DEPDC1: variants seen among roughly 807,000 people sequenced by gnomAD.
The protein encoded by DEPDC1 is DEP domain-containing protein 1A.
DEPDC1 carries 66 observed loss-of-function variants against 86.8 expected under a neutral mutation model. The observed-to-expected ratio is 0.76, with a 90% confidence interval of 0.62 to 0.93. DEPDC1 has a LOEUF of 0.93. Among genes scored for constraint, DEPDC1 ranks in the 40% least tolerant of loss-of-function variants. The pLI, the probability that DEPDC1 is intolerant of heterozygous loss-of-function variation, is 0.00. For missense variants in DEPDC1, 792 were observed against 935.7 expected, an observed-to-expected ratio of 0.85 and a Z score of 2.00; for synonymous variants, 255 against 314.9, an observed-to-expected ratio of 0.81 and a Z score of 2.02.
rs1044907960 is a variant in DEPDC1 at position 68,494,796 on chromosome 1, G to C, written c.49-101C>G. 3 of 879,546 alleles carry C rather than the reference G, an allele frequency of 3.4e-6. No homozygotes were observed. In the Admixed American group the frequency reaches 8.6e-5, roughly 25 times the overall value. 54.5% of individuals were successfully genotyped at this position (879,546 alleles called of 1,614,324 possible). ...AAAGAAAATTCTTTAATTCACATCT[G>C]ATTATATCATAAAAATTCTTGAAGA... On this transcript the variant is annotated intron_variant, in intron 1 of 11. Transcript: ENST00000456315.
At chr1:68,486,631 AT>A (rs1380995253) in intron 6 of DEPDC1, among the ~76,000 whole-genome samples, 1 of 151,934 alleles carries the variant, frequency 6.6e-6, no homozygotes, top group East Asian at 1.9e-4. Flanking sequence ...CACTGAGGCA[AT>A]TAGTGTGGAT....
intron 7 of DEPDC1, chr1:68,483,246 C>T (rs949705918): frequency 1.1e-5 from 6 of 526,108 alleles, no homozygotes; most frequent in Middle Eastern, 6.3e-4. Context: ...TAATAAAATA[C>T]ATATATTTGA....
intron 10 of DEPDC1, among the ~76,000 whole-genome samples, chr1:68,478,312 G>A (rs1271360725): frequency 1.3e-5 from 2 of 151,702 alleles, no homozygotes; most frequent in Non-Finnish European, 2.9e-5. Flanking sequence ...CATTAACTAT[G>A]GATTTTATTC....
chr1:68,493,235 T>C (rs1366784358), intron 2 of DEPDC1, among the ~76,000 whole-genome samples: 1 of 152,200 alleles, frequency 6.6e-6, no homozygotes, highest in East Asian at 1.9e-4. Flanking sequence ...TGTAGTTTAC[T>C]TGTATGACAT....
In DEPDC1 at chr1:68,481,807, A is replaced by C. The variant is rs1646157730; in HGVS notation, c.1763-195T>G. 8.0e-6 allele frequency: 5 copies of C among 625,734 alleles called. No individual in the cohort carries two copies. The South Asian group carries it at 1.0e-4, about 13-fold the overall frequency. 38.8% of individuals were successfully genotyped at this position (625,734 alleles called of 1,614,324 possible). A position where few individuals can be genotyped will look rare whatever the true frequency, so the allele number is the denominator to read the frequency against. On this transcript the variant is annotated intron_variant, in intron 8 of 11. Transcript: ENST00000456315. ...TTTACAACTTATTTCTAAGTATTAAAATTCTTCACTTATTACAAATAAAGT... is the reference window on the plus strand; with the variant it reads ...TTTACAACTTATTTCTAAGTATTAACATTCTTCACTTATTACAAATAAAGT...
At position 68,476,975 on chromosome 1, in the gene DEPDC1, G is replaced by A; in HGVS notation, c.2393C>T (p.Pro798Leu). 1 of 1,603,968 alleles carries A rather than the reference G, an allele frequency of 6.2e-7. No homozygotes were observed. Among genetic ancestry groups the A allele is most frequent in the Non-Finnish European group, 8.5e-7 (1 of 1,175,516 alleles). Reference sequence around the variant, plus strand: ...CTTTGGTTTTCTTAAAATCAGCATTGGTTGCTTGATTGTAGGTTTGTCACC... The same window carrying A: ...CTTTGGTTTTCTTAAAATCAGCATTAGTTGCTTGATTGTAGGTTTGTCACC... ...LFGDKPTIKQ[P>L]MLILRKPKFR... Residue 798 changes from proline (P) to leucine (L), a missense_variant, in exon 12 of 12, where the codon CCA becomes CTA. Pro to Leu is a moderately conservative substitution (Grantham distance 98). Transcript: ENST00000456315.
chr1:68,493,614 A>G (rs1212677687), intron 2 of DEPDC1, among the ~76,000 whole-genome samples: 1 of 152,218 alleles, frequency 6.6e-6, no homozygotes, highest in African/African-American at 2.4e-5. Context: ...CTTGGCTACT[A>G]TAGCAATTAA....
rs1285002786 is a variant in DEPDC1 at position 68,479,274 on chromosome 1, A to G, written c.1982T>C (p.Val661Ala). The G allele has an allele frequency of 6.2e-7, 1 of 1,612,462 alleles. No homozygotes were observed. Among genetic ancestry groups the G allele is most frequent in the African/African-American group, 1.3e-5 (1 of 74,924 alleles). Reference protein sequence around the residue: ...SRCVLCCAEEVDLDELLAGRL... With the variant: ...SRCVLCCAEEADLDELLAGRL... ...TCCAGCAAGAAGCTCATCAAGATCC[A>G]CTTCTTCAGCACAGCATAACACACA... Residue 661 changes from valine (V) to alanine (A), a missense_variant, in exon 10 of 12, where the codon GTG (valine) becomes GCG (alanine). Transcript: ENST00000456315.
intron 4 of DEPDC1, 125 bp from the exon 5 acceptor site, chr1:68,488,629 G>T: frequency 3.8e-6 from 3 of 790,096 alleles, no homozygotes; most frequent in African/African-American, 1.8e-5. Flanking sequence ...CTTATATTTA[G>T]TATCCCCTTT....
rs761917884 is a variant in DEPDC1, at chr1:68,486,970, A to G, written c.736T>C (p.Trp246Arg). ...LQNKSDDLPH[W>R]VLSAMKCLAN... ...AGGCACTTCATGGCAGATAATACCC[A>G]GTGAGGGAGGTCATCTACACAAAAA... Residue 246 changes from tryptophan (W) to arginine (R), a missense_variant, in exon 6 of 12, where the codon TGG (tryptophan) becomes CGG (arginine). Physicochemically the swap from Trp to Arg is moderately radical, Grantham distance 101 (BLOSUM62 -3). Transcript: ENST00000456315. The G allele has an allele frequency of 6.2e-7, 1 of 1,602,966 alleles. No individual in the cohort carries two copies. Among genetic ancestry groups the G allele is most frequent in the Non-Finnish European group, 8.5e-7 (1 of 1,175,598 alleles).
At position 68,476,322 on chromosome 1, in the gene DEPDC1, C is replaced by T. The variant is rs1025507118; in HGVS notation, c.*610G>A. 8.6e-5 allele frequency: 13 copies of T among 151,658 alleles called. No individual in the cohort carries two copies. Among genetic ancestry groups the T allele is most frequent in the Admixed American group, 4.6e-4 (7 of 15,174 alleles). 9.4% of individuals were successfully genotyped at this position (151,658 alleles called of 1,614,324 possible). A position where few individuals can be genotyped will look rare whatever the true frequency, so the allele number is the denominator to read the frequency against. On this transcript the variant is annotated 3_prime_UTR_variant, in exon 12 of 12. Transcript: ENST00000456315. ...AAAACTAGAATTCAAAATATATATACTGAACAAATGAATGACTGAAGCAAT... is the reference window on the plus strand; with the variant it reads ...AAAACTAGAATTCAAAATATATATATTGAACAAATGAATGACTGAAGCAAT...
intron 9 of DEPDC1, among the ~76,000 whole-genome samples, chr1:68,480,257 CACACACA>C (rs1646146382): frequency 6.7e-5 from 4 of 60,008 alleles, no homozygotes; most frequent in South Asian, 3.9e-4. Context: ...CTGTACCACA[CACACACA>C]CACACACACA....
At chr1:68,481,738 G>T in intron 8 of DEPDC1, 126 bp from the exon 9 acceptor site, 1 of 791,278 alleles carries the variant, frequency 1.3e-6, no homozygotes, top group Non-Finnish European at 1.9e-6. Context: ...ACTATTTCTA[G>T]AAATTACGTT....
At chr1:68,486,540 A>G (rs1463578260) in intron 6 of DEPDC1, among the ~76,000 whole-genome samples, 1 of 152,034 alleles carries the variant, frequency 6.6e-6, no homozygotes, top group Non-Finnish European at 1.5e-5. Context: ...CATAACATAA[A>G]GTCACATTAA....
Position 68,475,741 on chromosome 1 carries a change from G to C in DEPDC1, c.*1191C>G, listed in dbSNP as rs1646110672. 2 of 151,782 alleles carry C rather than the reference G, an allele frequency of 1.3e-5. No individual in the cohort carries two copies. Among genetic ancestry groups the C allele is most frequent in the South Asian group, 4.1e-4 (2 of 4,822 alleles). 9.4% of individuals were successfully genotyped at this position (151,782 alleles called of 1,614,324 possible). ...CCTGAAGAACCTTGTTTTAAGATGA[G>C]AGTCATTTATACTTGGCAGGCATTT... On this transcript the variant is annotated 3_prime_UTR_variant, in exon 12 of 12. Transcript: ENST00000456315.
At chr1:68,479,029 T>C in intron 10 of DEPDC1, 115 bp downstream of exon 10, 2 of 832,518 alleles carry the variant, frequency 2.4e-6, no homozygotes, top group South Asian at 1.9e-5. Flanking sequence ...TTCCTGACTT[T>C]TAGAGGTTGT....
intron 1 of DEPDC1, 98 bp from the exon 2 acceptor site, chr1:68,494,793 T>A (rs4926345): frequency 5.4e-6 from 5 of 919,740 alleles, no homozygotes; most frequent in Non-Finnish European, 8.1e-6. Flanking sequence ...TTAATTCACA[T>A]CTGATTATAT....
rs746732440 is a variant in DEPDC1 at position 68,474,752 on chromosome 1, C to T, written c.*2180G>A. On this transcript the variant is annotated 3_prime_UTR_variant, in exon 12 of 12. Coordinates refer to ENST00000456315, the MANE Select transcript of DEPDC1 (RefSeq NM_001114120.3). ...GAATCTATCCATGTTCCAGCTTAGG[C>T]GAAGCCCTTCTGAAGATATCCATTC... The T allele has an allele frequency of 6.6e-6, 1 of 152,012 alleles. No individual in the cohort carries two copies. The highest frequency in any genetic ancestry group is 1.5e-5 in the Non-Finnish European group (1 of 67,936). The allele number at this position is 152,012 out of a possible 1,614,324, so 9.4% of individuals were successfully genotyped here.
chr1:68,482,187 C>T lies in DEPDC1; in HGVS notation c.1621G>A (p.Gly541Ser), dbSNP rs752736293. The T allele has an allele frequency of 6.2e-7, 1 of 1,612,896 alleles. No individual in the cohort carries two copies. Residue 541 changes from glycine (G) to serine (S), a missense_variant, in exon 8 of 12, where the codon GGC (glycine) becomes AGC (serine). Physicochemically the swap from Gly to Ser is moderately conservative, Grantham distance 56. Coordinates refer to ENST00000456315, the MANE Select transcript of DEPDC1 (RefSeq NM_001114120.3). Reference protein sequence around the residue: ...EIIMKPNVGQGSTSVQTAMES... With the variant: ...EIIMKPNVGQSSTSVQTAMES... ...ATAGCTGTTTGCACACTTGTGCTGC[C>T]TTGTCCAACATTTGGTTTCATGATA...
Sources: gnomAD v4.1 joint callset for allele counts (sites outside exome capture counted in the v4.1 genomes callset) on GRCh38, gnomAD v4.1.1 for gene constraint, MANE v1.5 for transcripts, NCBI Gene and HGNC (gene_info 2026-07-23, HGNC 2026-07-21) for gene names.